TAMM41: variants seen among roughly 807,000 people sequenced by gnomAD.
TAMM41 encodes TAM41 mitochondrial translocator assembly and maintenance homolog.
In TAMM41, 36 loss-of-function variants were observed where a neutral mutation model predicts 44.1. That is an observed-to-expected ratio of 0.82 (90% confidence interval 0.63 to 1.08). The LOEUF (loss-of-function observed/expected upper bound fraction) is 1.08, where lower values mean the gene tolerates loss of function less well. TAMM41 is among the 50% of genes least tolerant of loss of function. The probability of loss-of-function intolerance (pLI) is 0.00; values close to 1 mark genes in which losing one functional copy is unlikely to be tolerated. For synonymous variants in TAMM41, 164 were observed against 153.1 expected (o/e 1.07, Z -0.53); for missense variants, 417 against 404.3 (o/e 1.03, Z -0.27).
rs187758718 is a variant in TAMM41, at chr3:11,815,901, A to C, written c.708+1291T>G. 5.9e-5 allele frequency among the ~76,000 whole-genome samples: 9 copies of C among 152,358 alleles called. No individual in the cohort carries two copies. The East Asian group carries it at 1.7e-3, about 29-fold the overall frequency. Reference sequence around the variant, plus strand: ...AGCAGGGCTGAGAATGTGGGAACGTATGCAGCACGGAACTGCTCTTTTTGT... The same window carrying C: ...AGCAGGGCTGAGAATGTGGGAACGTCTGCAGCACGGAACTGCTCTTTTTGT... On this transcript the variant is annotated intron_variant, in intron 5 of 7. Transcript: ENST00000455809.
the TAMM41 span, among the ~76,000 whole-genome samples, chr3:11,755,926 C>T: frequency 3.6e-3 from 545 of 150,260 alleles, 6 homozygotes; most frequent in African/African-American, 0.012. Context: ...TTAGCATGGA[C>T]GAGTATTATA....
the TAMM41 span, among the ~76,000 whole-genome samples, chr3:11,751,811 A>G: frequency 6.6e-6 from 1 of 152,194 alleles, no homozygotes; most frequent in African/African-American, 2.4e-5. Flanking sequence ...TCTTCTGACT[A>G]CGTTAATGTG....
chr3:11,752,240 G>A, the TAMM41 span, among the ~76,000 whole-genome samples: 2 of 152,092 alleles, frequency 1.3e-5, no homozygotes, highest in Non-Finnish European at 2.9e-5. Context: ...GGACCTCGGC[G>A]GTGAGTGTTA....
At chr3:11,755,590 C>T in the TAMM41 span, among the ~76,000 whole-genome samples, 21 of 152,206 alleles carry the variant, frequency 1.4e-4, no homozygotes, top group South Asian at 2.1e-4. Context: ...TATTGTCGGG[C>T]GGGGATGTCC....
At chr3:11,755,178 A>G in the TAMM41 span, among the ~76,000 whole-genome samples, 10 of 152,206 alleles carry the variant, frequency 6.6e-5, no homozygotes, top group East Asian at 1.9e-3. Flanking sequence ...TGGATAACAA[A>G]GGGTGGACTC....
At chr3:11,729,793 CAAGG>C in the TAMM41 span, among the ~76,000 whole-genome samples, 34 of 150,328 alleles carry the variant, frequency 2.3e-4, no homozygotes, top group South Asian at 5.3e-3. Context: ...CTACTGACTG[CAAGG>C]AAGGAAGGAA....
the TAMM41 span, among the ~76,000 whole-genome samples, chr3:11,756,865 C>CAAAAA: frequency 7.6e-6 from 1 of 131,508 alleles, no homozygotes; most frequent in East Asian, 2.2e-4. Flanking sequence ...AATTCCGTCT[C>CAAAAA]AAAAAAAAAA....
the TAMM41 span, among the ~76,000 whole-genome samples, chr3:11,776,405 G>A: frequency 1.1e-3 from 162 of 151,964 alleles, no homozygotes; most frequent in Non-Finnish European, 1.7e-3. Context: ...CTTCTGCTTC[G>A]GCCTCCAAAG....
chr3:11,723,803 C>T, the TAMM41 span, among the ~76,000 whole-genome samples: 19 of 152,078 alleles, frequency 1.2e-4, 1 homozygote, highest in Admixed American at 2.6e-4. Context: ...TAAAGGTAGG[C>T]TGTACATAGA....
chr3:11,826,038 A>T (rs542514007), intron 4 of TAMM41, among the ~76,000 whole-genome samples: 2 of 152,322 alleles, frequency 1.3e-5, no homozygotes, highest in South Asian at 4.1e-4. Context: ...TTTCCCAACG[A>T]AAGTAATCTG....
chr3:11,803,685 A>G lies in TAMM41; in HGVS notation c.937+4148T>C, dbSNP rs75406590. On this transcript the variant is annotated intron_variant, in intron 7 of 7. Transcript: ENST00000455809. Reference sequence around the variant, plus strand: ...ATGGAATTAACCAAAGTGTCCATCAATGGAGGACTGGATAACAAAAATGTG... The same window carrying G: ...ATGGAATTAACCAAAGTGTCCATCAGTGGAGGACTGGATAACAAAAATGTG... Among the ~76,000 whole-genome samples the G allele has an allele frequency of 1.1e-3, 163 of 152,368 alleles. 2 individuals carry two copies. In the East Asian group the frequency reaches 0.025, roughly 23 times the overall value.
intron 4 of TAMM41, among the ~76,000 whole-genome samples, chr3:11,822,633 T>C (rs537421757): frequency 6.6e-6 from 1 of 152,214 alleles, no homozygotes; most frequent in Non-Finnish European, 1.5e-5. Context: ...TTTATACACA[T>C]TGAATTATAC....
chr3:11,746,904 G>T, the TAMM41 span, among the ~76,000 whole-genome samples: 1 of 152,112 alleles, frequency 6.6e-6, no homozygotes, highest in African/African-American at 2.4e-5. Flanking sequence ...CCAATGCACT[G>T]GGATTATAGG....
In TAMM41 at chr3:11,833,103, T is replaced by C. The variant is rs6776094; in HGVS notation, c.412-3239A>G. The stretch of plus-strand genomic sequence containing the variant: ...CTTGTCTCAGCAGCACTGTTATTTG[T>C]TGTTCAGAGTGAAAAGCCAGTGAAC... On this transcript the variant is annotated intron_variant, in intron 3 of 7. Coordinates refer to ENST00000455809, the MANE Select transcript of TAMM41 (RefSeq NM_001284401.2). 6,983 of 1,283,858 alleles carry C rather than the reference T, an allele frequency of 5.4e-3. 148 individuals carry two copies. The African/African-American group carries it at 0.066, about 12-fold the overall frequency. The allele number at this position is 1,283,858 out of a possible 1,614,324, so 79.5% of individuals were successfully genotyped here. A position where few individuals can be genotyped will look rare whatever the true frequency, so the allele number is the denominator to read the frequency against.
chr3:11,788,142 A>G (rs991273989), downstream of TAMM41, among the ~76,000 whole-genome samples: 2 of 152,208 alleles, frequency 1.3e-5, no homozygotes, highest in Non-Finnish European at 2.9e-5. Flanking sequence ...CTGATTCCAT[A>G]GCTGGAGAGT....
intron 7 of TAMM41, among the ~76,000 whole-genome samples, chr3:11,802,992 C>T (rs1418744819): frequency 1.3e-5 from 2 of 152,204 alleles, no homozygotes; most frequent in Non-Finnish European, 2.9e-5. Context: ...ATTCAATAGC[C>T]TGGGCACAGT....
At chr3:11,754,850 C>A in the TAMM41 span, among the ~76,000 whole-genome samples, 9 of 151,816 alleles carry the variant, frequency 5.9e-5, no homozygotes, top group Non-Finnish European at 1.0e-4. Context: ...AGGCATGAGC[C>A]ACCATGCCCG....
At chr3:11,816,722 G>C (rs1307766149) in intron 5 of TAMM41, among the ~76,000 whole-genome samples, 2 of 151,942 alleles carry the variant, frequency 1.3e-5, no homozygotes, top group Non-Finnish European at 2.9e-5. Context: ...GCAGTAAGCC[G>C]AGATCGTGCC....
chr3:11,723,798 G>A, the TAMM41 span, among the ~76,000 whole-genome samples: 2 of 152,084 alleles, frequency 1.3e-5, no homozygotes, highest in East Asian at 3.9e-4. Context: ...ACAAATAAAG[G>A]TAGGCTGTAC....
Sources: allele counts gnomAD v4.1 joint callset (sites outside exome capture counted in the v4.1 genomes callset), GRCh38; gene constraint gnomAD v4.1.1; transcripts MANE v1.5; gene names NCBI Gene and HGNC (gene_info 2026-07-23, HGNC 2026-07-21).